Variants in CAGE1 observed in about 807,000 individuals in gnomAD.
The protein encoded by CAGE1 is cancer-associated gene 1 protein.
In CAGE1, 66 loss-of-function variants were observed where a neutral mutation model predicts 94.9. The ratio of observed to expected loss-of-function variants is 0.70; its 90% CI spans 0.57 to 0.85. CAGE1 has a LOEUF of 0.85. CAGE1 is among the 40% of genes least tolerant of loss of function. The probability of loss-of-function intolerance (pLI) is 0.00; values close to 1 mark genes in which losing one functional copy is unlikely to be tolerated. For missense variants in CAGE1, 865 were observed against 950.4 expected (o/e 0.91, Z 1.18); for synonymous variants, 319 against 321.0 (o/e 0.99, Z 0.07).
Position 7,370,047 on chromosome 6 carries a change from A to G in CAGE1, c.1765T>C (p.Ser589Pro). The G allele has an allele frequency of 6.2e-7, 1 of 1,606,616 alleles. No individual in the cohort carries two copies. Among genetic ancestry groups the G allele is most frequent in the Non-Finnish European group, 8.5e-7 (1 of 1,177,804 alleles). The change falls in exon 6 of 14, where the codon TCT becomes CCT. Residue 589 changes from serine to proline, a missense_variant. By Grantham distance (74) the Ser-to-Pro change is moderately conservative. Coordinates refer to ENST00000502583, the MANE Select transcript of CAGE1 (RefSeq NM_001170692.2). ...DITKDTKTTH[S>P]NLLPDCSPCE... ...GGTGAGCAATCCGGGAGCAGATTAGAATGTGTCGTTTTTGTATCCTACATG... is the reference window on the plus strand; with the variant it reads ...GGTGAGCAATCCGGGAGCAGATTAGGATGTGTCGTTTTTGTATCCTACATG...
intron 13 of CAGE1, among the ~76,000 whole-genome samples, chr6:7,328,932 ATATTT>A (rs1413318948): frequency 7.7e-5 from 8 of 103,592 alleles, no homozygotes; most frequent in South Asian, 3.4e-4. Context: ...ATATATATAT[ATATTT>A]TTTTTTTTTT....
intron 12 of CAGE1, among the ~76,000 whole-genome samples, 190 bp downstream of exon 12, chr6:7,333,832 T>TA (rs1304019585): frequency 6.6e-6 from 1 of 151,774 alleles, no homozygotes. Context: ...CATGCCCGGC[T>TA]AATTTTCGTA....
At chr6:7,372,970 T>C (rs554360346) in intron 5 of CAGE1, 103 bp downstream of exon 5, 35 of 845,770 alleles carry the variant, frequency 4.1e-5, no homozygotes, top group Non-Finnish European at 6.2e-5. Context: ...TCTTTAATAA[T>C]TCTTTCTGCA....
At chr6:7,329,377 G>T (rs1180132174) in intron 13 of CAGE1, 2 of 341,306 alleles carry the variant, frequency 5.9e-6, no homozygotes, top group Non-Finnish European at 1.1e-5. Context: ...CTGGATAGGA[G>T]GGCTGGAGCC....
At position 7,362,479 on chromosome 6, in the gene CAGE1, C is replaced by T. The variant is rs966074922; in HGVS notation, c.2193+2989G>A. On this transcript the variant is annotated intron_variant, in intron 9 of 13. Transcript: ENST00000502583. The surrounding 1 kb of genome is among the most constrained non-coding windows in gnomAD (Gnocchi z 4.1). ...AGTTAAACACCCAGGATGCTTGAGC[C>T]AGCAGGAAGGCAAAGCTGAAGTCAA... 1.3e-5 allele frequency among the ~76,000 whole-genome samples: 2 copies of T among 152,128 alleles called. No homozygotes were observed. The highest frequency in any genetic ancestry group is 4.8e-5 in the African/African-American group (2 of 41,434).
chr6:7,382,841 T>C lies in CAGE1; in HGVS notation c.283+2944A>G, dbSNP rs534915625. ...AGGAGAATAGTTTGAACCCGGAAGG[T>C]GGAGGTTGCAGTGAGCCGAGATCGC... On this transcript the variant is annotated intron_variant, in intron 3 of 13. Transcript: ENST00000502583. Among the ~76,000 whole-genome samples the C allele has an allele frequency of 2.4e-4, 36 of 152,004 alleles. No individual in the cohort carries two copies. The South Asian group carries it at 2.9e-3, about 12-fold the overall frequency.
intron 11 of CAGE1, among the ~76,000 whole-genome samples, chr6:7,346,693 A>G (rs1170683325): frequency 1.8e-5 from 2 of 112,052 alleles, no homozygotes; most frequent in African/African-American, 7.3e-5. Context: ...CTGAAAAAAG[A>G]AAAAAAAATA....
chr6:7,338,402 T>C (rs1297910830), intron 11 of CAGE1, among the ~76,000 whole-genome samples: 2 of 152,236 alleles, frequency 1.3e-5, no homozygotes, highest in Non-Finnish European at 2.9e-5. Context: ...TTTGTCCTTA[T>C]TGAGACAGTT....
chr6:7,355,673 C>T (rs1238289262), intron 10 of CAGE1, among the ~76,000 whole-genome samples: 1 of 152,152 alleles, frequency 6.6e-6, no homozygotes, highest in Non-Finnish European at 1.5e-5. Context: ...TAATATTTGG[C>T]ATAGTTTTTA....
intron 11 of CAGE1, among the ~76,000 whole-genome samples, chr6:7,336,839 C>A (rs147155512): frequency 3.0e-4 from 46 of 152,212 alleles, no homozygotes; most frequent in African/African-American, 1.1e-3. Flanking sequence ...TGCTTATTTG[C>A]CATCCATATA....
chr6:7,331,196 C>T (rs993617069), intron 12 of CAGE1: 3 of 322,938 alleles, frequency 9.3e-6, no homozygotes, highest in Non-Finnish European at 1.8e-5. Flanking sequence ...ATTTCCATGA[C>T]ACCAACACTA....
intron 11 of CAGE1, among the ~76,000 whole-genome samples, chr6:7,344,963 A>G (rs892736170): frequency 6.6e-6 from 1 of 152,194 alleles, no homozygotes; most frequent in African/African-American, 2.4e-5. Flanking sequence ...GCGCCCTGTC[A>G]AAACAGGCCA....
At chr6:7,344,271 A>C (rs1202709414) in intron 11 of CAGE1, among the ~76,000 whole-genome samples, 1 of 152,152 alleles carries the variant, frequency 6.6e-6, no homozygotes, top group Non-Finnish European at 1.5e-5. Context: ...GGCCAGCTGG[A>C]GTTCCGGGTA....
At chr6:7,377,789 T>G (rs1300718090) in intron 4 of CAGE1, among the ~76,000 whole-genome samples, 1 of 152,146 alleles carries the variant, frequency 6.6e-6, no homozygotes, top group Non-Finnish European at 1.5e-5. Context: ...TATACTATTC[T>G]TGAATTTTAT....
intron 11 of CAGE1, among the ~76,000 whole-genome samples, chr6:7,353,823 T>C (rs1254083884): frequency 6.6e-6 from 1 of 152,022 alleles, no homozygotes; most frequent in Non-Finnish European, 1.5e-5. Context: ...ACTATTATTC[T>C]AAGTGAAGGA....
intron 9 of CAGE1, among the ~76,000 whole-genome samples, chr6:7,358,065 T>TATATATATATATATATATAC (rs1257084432): frequency 7.0e-5 from 8 of 114,092 alleles, no homozygotes; most frequent in African/African-American, 3.0e-4. Context: ...TATATATATA[T>TATATATATATATATATATAC]ATATATGCCT....
At chr6:7,331,489 T>TA (rs1383258950) in intron 12 of CAGE1, 1 of 435,650 alleles carries the variant, frequency 2.3e-6, no homozygotes, top group Non-Finnish European at 4.3e-6. Context: ...CCTGCACCGT[T>TA]ACATTTCACA....
intron 11 of CAGE1, among the ~76,000 whole-genome samples, chr6:7,354,125 A>G (rs1759874644): frequency 6.6e-6 from 1 of 152,144 alleles, no homozygotes; most frequent in African/African-American, 2.4e-5. Context: ...AAATAAAAAT[A>G]ACTGAGGCAA....
rs57530544 is a variant in CAGE1, at chr6:7,368,252, CAAAAAAAAA to C, written c.2004+427_2004+435del. On this transcript the variant is annotated intron_variant, in intron 7 of 13. Transcript: ENST00000502583. The stretch of plus-strand genomic sequence containing the variant: ...TGAGCAACAGAGCAAGACTCTGTCT[CAAAAAAAAA>C]AAAAAAAAAAAAATTAAAGAAAAGA... 7.1e-5 allele frequency among the ~76,000 whole-genome samples: 6 copies of C among 84,418 alleles called. No homozygotes were observed. The South Asian group carries it at 2.0e-3, about 28-fold the overall frequency. 55.4% of individuals were successfully genotyped at this position (84,418 alleles called of 152,430 possible).
Sources: gnomAD v4.1 joint callset for allele counts (sites outside exome capture counted in the v4.1 genomes callset) on GRCh38, gnomAD v4.1.1 for gene constraint, Gnocchi (gnomAD v3.1) non-coding constraint, MANE v1.5 for transcripts, NCBI Gene and HGNC (gene_info 2026-07-23, HGNC 2026-07-21) for gene names.